SPOCK3: variants seen among roughly 807,000 people sequenced by gnomAD.
The protein encoded by SPOCK3 is SPARC (osteonectin), cwcv and kazal like domains proteoglycan 3.
A neutral mutation model predicts 56.6 loss-of-function variants in SPOCK3; 30 were observed. That is an observed-to-expected ratio of 0.53 (90% confidence interval 0.40 to 0.72). The LOEUF is 0.72. SPOCK3 is among the 30% of genes least tolerant of loss of function. The pLI, the probability that SPOCK3 is intolerant of heterozygous loss-of-function variation, is 0.00. For synonymous variants in SPOCK3, 196 were observed against 183.3 expected (o/e 1.07, Z -0.56); for missense variants, 527 against 530.0 (o/e 0.99, Z 0.06).
At chr4:167,198,178 A>C (rs1368848371) in intron 2 of SPOCK3, among the ~76,000 whole-genome samples, 1 of 152,176 alleles carries the variant, frequency 6.6e-6, no homozygotes, top group Non-Finnish European at 1.5e-5. Context: ...AAGAATGTCA[A>C]AATGGAGCTA....
chr4:167,089,295 C>G (rs1561203793), intron 2 of SPOCK3, among the ~76,000 whole-genome samples: 1 of 152,086 alleles, frequency 6.6e-6, no homozygotes, highest in African/African-American at 2.4e-5. Context: ...GTAGCAATTT[C>G]ACATAGTATG....
At chr4:167,157,407 C>A (rs1243343952) in intron 2 of SPOCK3, among the ~76,000 whole-genome samples, 1 of 151,756 alleles carries the variant, frequency 6.6e-6, no homozygotes, top group Admixed American at 6.6e-5. Flanking sequence ...AATAAAACAA[C>A]ACTTGCATAA....
chr4:166,803,932 A>G (rs1742881428), intron 6 of SPOCK3, among the ~76,000 whole-genome samples: 1 of 152,144 alleles, frequency 6.6e-6, no homozygotes, highest in Non-Finnish European at 1.5e-5. Flanking sequence ...GGCCTTCTCT[A>G]ACTTTAATAG....
intron 4 of SPOCK3, among the ~76,000 whole-genome samples, chr4:166,927,268 G>A (rs1739218638): frequency 6.6e-6 from 1 of 152,090 alleles, no homozygotes; most frequent in Non-Finnish European, 1.5e-5. Context: ...TTGTGGGAGG[G>A]ATGCTGTGAG....
intron 6 of SPOCK3, among the ~76,000 whole-genome samples, chr4:166,852,753 C>A (rs1010810865): frequency 6.6e-6 from 1 of 152,148 alleles, no homozygotes; most frequent in Non-Finnish European, 1.5e-5. Context: ...CTAGGAACTT[C>A]ATTCTTTAGA....
At chr4:166,861,599 T>C (rs535458901) in intron 6 of SPOCK3, among the ~76,000 whole-genome samples, 1 of 152,232 alleles carries the variant, frequency 6.6e-6, no homozygotes, top group South Asian at 2.1e-4. Flanking sequence ...AGGATCCCGA[T>C]TGCCCTTCCT....
At chr4:166,742,905 A>G (rs766040338) in intron 8 of SPOCK3, among the ~76,000 whole-genome samples, 3 of 152,086 alleles carry the variant, frequency 2.0e-5, no homozygotes, top group Non-Finnish European at 4.4e-5. Flanking sequence ...GCATTTATAG[A>G]TTCAACCAAC....
chr4:167,107,010 T>C (rs1760222851), intron 2 of SPOCK3, among the ~76,000 whole-genome samples: 1 of 151,774 alleles, frequency 6.6e-6, no homozygotes, highest in African/African-American at 2.4e-5. Context: ...AAAGTCATAA[T>C]AAAAAGTCCT....
At chr4:167,042,610 G>C (rs1753329174) in intron 3 of SPOCK3, among the ~76,000 whole-genome samples, 1 of 152,002 alleles carries the variant, frequency 6.6e-6, no homozygotes, top group Non-Finnish European at 1.5e-5. Context: ...GTGTGTGGAA[G>C]AAAAGAGAAA....
chr4:166,801,023 T>G (rs1199225193), intron 6 of SPOCK3, among the ~76,000 whole-genome samples: 2 of 152,200 alleles, frequency 1.3e-5, no homozygotes, highest in African/African-American at 4.8e-5. Flanking sequence ...TACCATTGTG[T>G]TACAATTGCC....
intron 5 of SPOCK3, 89 bp from the exon 6 acceptor site, chr4:166,889,333 G>A: frequency 1.3e-6 from 1 of 786,868 alleles, no homozygotes; most frequent in Non-Finnish European, 2.1e-6. Context: ...GGTAATTTTT[G>A]ATGCATATAA....
At position 166,797,233 on chromosome 4, in the gene SPOCK3, CTTTTTTTTT is replaced by C. The variant is rs1028695610; in HGVS notation, c.590-4953_590-4945del. ...TTAAGTGGCATGGATTTCCACCTTT[CTTTTTTTTT>C]TTTTTTTTTTTTGAGAAGGAGTCTC... On this transcript the variant is annotated intron_variant, in intron 6 of 10. Coordinates refer to ENST00000357545, the MANE Select transcript of SPOCK3 (RefSeq NM_001040159.2). Among the ~76,000 whole-genome samples the C allele has an allele frequency of 8.7e-5, 7 of 80,752 alleles. No individual in the cohort carries two copies. In the East Asian group the frequency reaches 2.9e-3, roughly 34 times the overall value. 53.0% of individuals were successfully genotyped at this position (80,752 alleles called of 152,430 possible).
At position 167,200,190 on chromosome 4, in the gene SPOCK3, G is replaced by A. The variant is rs189678617; in HGVS notation, c.189+33795C>T. Among the ~76,000 whole-genome samples, 916 of 152,134 alleles carry A rather than the reference G, an allele frequency of 6.0e-3. 8 individuals are homozygous for A. The highest frequency in any genetic ancestry group is 8.4e-3 in the Non-Finnish European group (568 of 67,964). On this transcript the variant is annotated intron_variant, in intron 2 of 10. Coordinates refer to ENST00000357545, the MANE Select transcript of SPOCK3 (RefSeq NM_001040159.2). ...ATTCAGGATACAAAAGATAAAATAT[G>A]AAGGGGATTCATTTACTTGATGGAT... is the stretch of plus-strand genomic sequence containing the variant.
chr4:166,788,115 G>A (rs1003229299), intron 7 of SPOCK3, among the ~76,000 whole-genome samples: 3 of 152,138 alleles, frequency 2.0e-5, no homozygotes, highest in South Asian at 2.1e-4. Flanking sequence ...CCAGGAGGCG[G>A]AGGTTGCAGT....
intron 6 of SPOCK3, among the ~76,000 whole-genome samples, chr4:166,877,416 G>A (rs569584283): frequency 6.6e-6 from 1 of 152,190 alleles, no homozygotes; most frequent in Admixed American, 6.5e-5. Context: ...TAAGTAAAGA[G>A]TTCCATTACA....
chr4:166,920,987 C>A (rs936122905), intron 4 of SPOCK3, among the ~76,000 whole-genome samples: 27 of 152,104 alleles, frequency 1.8e-4, no homozygotes, highest in African/African-American at 6.5e-4. Flanking sequence ...TTCCTTCATA[C>A]CCTGTCTTTG....
intron 4 of SPOCK3, among the ~76,000 whole-genome samples, chr4:166,972,671 GT>G (rs138263243): frequency 0.17 from 26,345 of 151,892 alleles, 2,494 homozygotes; most frequent in African/African-American, 0.24. Flanking sequence ...TTTTAAGGAT[GT>G]TTATTTTAAA....
At chr4:167,153,339 A>T (rs897631568) in intron 2 of SPOCK3, among the ~76,000 whole-genome samples, 1 of 152,198 alleles carries the variant, frequency 6.6e-6, no homozygotes, top group Non-Finnish European at 1.5e-5. Flanking sequence ...TGGGACAGTA[A>T]AGCAGAGCAG....
intron 6 of SPOCK3, among the ~76,000 whole-genome samples, chr4:166,809,361 A>C (rs944259429): frequency 6.6e-6 from 1 of 151,994 alleles, no homozygotes; most frequent in African/African-American, 2.4e-5. Context: ...TTTATGGCTT[A>C]AGCCATACTA....
Sources: gnomAD v4.1 joint callset for allele counts (sites outside exome capture counted in the v4.1 genomes callset) on GRCh38, gnomAD v4.1.1 for gene constraint, MANE v1.5 for transcripts, NCBI Gene and HGNC (gene_info 2026-07-23, HGNC 2026-07-21) for gene names.